LCOR: variants seen among roughly 807,000 people sequenced by gnomAD.
The protein encoded by LCOR is ligand-dependent corepressor.
In LCOR, 14 loss-of-function variants were observed where a neutral mutation model predicts 64.4. That is an observed-to-expected ratio of 0.22 (90% CI 0.14 to 0.34). LCOR has a LOEUF of 0.34. Among genes scored for constraint, LCOR ranks in the 10% least tolerant of loss-of-function variants. The probability of loss-of-function intolerance (pLI) is 1.00; values close to 1 mark genes in which losing one functional copy is unlikely to be tolerated. For synonymous variants in LCOR, 643 were observed against 642.5 expected, an observed-to-expected ratio of 1.00 and a Z score of -0.01; for missense variants, 1,686 against 1,765.3, an observed-to-expected ratio of 0.96 and a Z score of 0.80.
intron 7 of LCOR, among the ~76,000 whole-genome samples, chr10:96,966,200 A>AT (rs1281470379): frequency 5.1e-5 from 3 of 58,412 alleles, no homozygotes; most frequent in Admixed American, 3.2e-4. Flanking sequence ...TGAGTTGGGG[A>AT]TTTTTCCCCC....
intron 2 of LCOR, among the ~76,000 whole-genome samples, chr10:96,842,192 G>A (rs1589598484): frequency 6.6e-6 from 1 of 152,006 alleles, no homozygotes; most frequent in African/African-American, 2.4e-5. Context: ...TCAAGAGATC[G>A]AGACCGTCCT....
intron 7 of LCOR, chr10:96,963,402 A>T (rs1299304316): frequency 6.6e-6 from 1 of 152,212 alleles, no homozygotes; most frequent in Non-Finnish European, 1.5e-5. Flanking sequence ...CTTCTTCACG[A>T]TAACTACTAC....
At chr10:96,969,040 TC>T (rs1203678457) in intron 7 of LCOR, among the ~76,000 whole-genome samples, 1 of 152,172 alleles carries the variant, frequency 6.6e-6, no homozygotes, top group Non-Finnish European at 1.5e-5. Flanking sequence ...TAAAAGAGGG[TC>T]ATAGATTTGC....
chr10:96,925,232 C>T lies in LCOR; in HGVS notation c.-184+17485C>T, dbSNP rs369366425. 2.2e-4 allele frequency among the ~76,000 whole-genome samples: 34 copies of T among 151,924 alleles called. 1 individual carries two copies. In the East Asian group the frequency reaches 4.4e-3, roughly 20 times the overall value. On this transcript the variant is annotated intron_variant, in intron 4 of 7. Transcript: ENST00000421806. ...CTGGGATTACAGGTGTGCACCACCA[C>T]GCTCAGCTAATTTTTGTATTTTTAG...
intron 2 of LCOR, among the ~76,000 whole-genome samples, chr10:96,867,373 G>A (rs1480487014): frequency 3.3e-5 from 5 of 152,160 alleles, no homozygotes; most frequent in African/African-American, 1.2e-4. Flanking sequence ...GAGGTAGGAG[G>A]ATCATTTGAG....
intron 2 of LCOR, among the ~76,000 whole-genome samples, chr10:96,855,271 A>G (rs951098022): frequency 3.3e-5 from 5 of 152,142 alleles, no homozygotes; most frequent in African/African-American, 1.2e-4. Flanking sequence ...ATACAGAATG[A>G]TGGATGAGAA....
At chr10:96,975,779 C>T (rs557863961) in intron 7 of LCOR, among the ~76,000 whole-genome samples, 1 of 152,152 alleles carries the variant, frequency 6.6e-6, no homozygotes, top group Admixed American at 6.5e-5. Context: ...CTTTGGGAGG[C>T]TGAGGCAGGT....
At chr10:96,863,878 A>G (rs1845929315) in intron 2 of LCOR, among the ~76,000 whole-genome samples, 2 of 151,854 alleles carry the variant, frequency 1.3e-5, no homozygotes, top group East Asian at 1.9e-4. Context: ...TAACCTGCCT[A>G]TTTTGTCTTT....
chr10:96,933,468 T>C (rs1183417354), intron 4 of LCOR, among the ~76,000 whole-genome samples: 1 of 152,212 alleles, frequency 6.6e-6, no homozygotes, highest in Non-Finnish European at 1.5e-5. Flanking sequence ...CACAAGTCCC[T>C]GGTTAAGTTA....
At chr10:96,861,472 G>C (rs1232228793) in intron 2 of LCOR, among the ~76,000 whole-genome samples, 1 of 152,014 alleles carries the variant, frequency 6.6e-6, no homozygotes, top group Non-Finnish European at 1.5e-5. Context: ...ACCAAACGTG[G>C]GTTTTTTCCC....
At chr10:96,896,825 A>G (rs1846545314) in intron 2 of LCOR, among the ~76,000 whole-genome samples, 1 of 152,184 alleles carries the variant, frequency 6.6e-6, no homozygotes, top group Admixed American at 6.5e-5. Flanking sequence ...TGCTAGGTCT[A>G]GGTTGGGGCT....
chr10:96,946,692 A>G (rs1040343053), intron 5 of LCOR, among the ~76,000 whole-genome samples: 1 of 152,100 alleles, frequency 6.6e-6, no homozygotes, highest in African/African-American at 2.4e-5. Context: ...GAGAAATTCA[A>G]ATGGCAGAGA....
At chr10:96,899,227 C>T (rs1846592873) in intron 2 of LCOR, among the ~76,000 whole-genome samples, 1 of 151,964 alleles carries the variant, frequency 6.6e-6, no homozygotes, top group Non-Finnish European at 1.5e-5. Context: ...GAAATTTGGT[C>T]TTAGGGCAAG....
intron 4 of LCOR, among the ~76,000 whole-genome samples, chr10:96,910,416 C>T (rs563615709): frequency 5.1e-4 from 77 of 152,278 alleles, no homozygotes; most frequent in African/African-American, 1.8e-3. Flanking sequence ...CGGAGACAGT[C>T]ATACATCTGT....
intron 2 of LCOR, among the ~76,000 whole-genome samples, chr10:96,881,605 C>T (rs561555260): frequency 9.2e-5 from 14 of 151,948 alleles, no homozygotes; most frequent in East Asian, 1.9e-4. Flanking sequence ...TACAGGTGCC[C>T]GCCACCACGC....
Position 96,920,588 on chromosome 10 carries a change from GTATA to G in LCOR, c.-184+12845_-184+12848del, listed in dbSNP as rs1181135807. 1.8e-4 allele frequency among the ~76,000 whole-genome samples: 25 copies of G among 142,642 alleles called. 1 individual carries two copies. The highest frequency in any genetic ancestry group is 5.2e-4 in the African/African-American group (20 of 38,734). The allele number at this position is 142,642 out of a possible 152,430, so 93.6% of individuals were successfully genotyped here. On this transcript the variant is annotated intron_variant, in intron 4 of 7. Transcript: ENST00000421806. ...TATGTATGTATATTCATATATATGT[GTATA>G]TATGTATGTATATTCATATATGTGT...
chr10:96,833,582 T>G, intron 2 of LCOR, 103 bp downstream of exon 2: 1 of 387,916 alleles, frequency 2.6e-6, no homozygotes, highest in African/African-American at 2.2e-5. Flanking sequence ...CTTCCCCGTC[T>G]TTGCTTCGGT....
chr10:96,890,276 G>A (rs1479927474), intron 2 of LCOR, among the ~76,000 whole-genome samples: 1 of 151,982 alleles, frequency 6.6e-6, no homozygotes, highest in Non-Finnish European at 1.5e-5. Context: ...TAGAGAAGGG[G>A]TCTGGCTGTG....
intron 4 of LCOR, among the ~76,000 whole-genome samples, chr10:96,925,015 G>C (rs1292376616): frequency 6.6e-6 from 1 of 151,478 alleles, no homozygotes; most frequent in African/African-American, 2.4e-5. Flanking sequence ...GTCTCCTTTA[G>C]TCTAGAATGG....
Sources: allele counts gnomAD v4.1 joint callset (sites outside exome capture counted in the v4.1 genomes callset), GRCh38; gene constraint gnomAD v4.1.1; transcripts MANE v1.5; gene names NCBI Gene and HGNC (gene_info 2026-07-23, HGNC 2026-07-21).